INPP5K: variants seen among roughly 807,000 people sequenced by gnomAD.
INPP5K encodes inositol polyphosphate 5-phosphatase K.
Under a neutral mutation model 53.5 loss-of-function variants are expected in INPP5K, and 35 were observed. That is an observed-to-expected ratio of 0.65 (90% CI 0.50 to 0.87). The LOEUF is 0.87. INPP5K is among the 40% of genes least tolerant of loss of function. The pLI, the probability that INPP5K is intolerant of heterozygous loss-of-function variation, is 0.00. For synonymous variants in INPP5K, 253 were observed against 232.8 expected (o/e 1.09, Z -0.79); for missense variants, 550 against 586.2 (o/e 0.94, Z 0.64).
chr17:1,515,674 C>T, intron 1 of INPP5K: 3 of 886,366 alleles, frequency 3.4e-6, no homozygotes, highest in Non-Finnish European at 4.1e-6. Context: ...CCTTAGAGGT[C>T]GACGTTCTCA....
chr17:1,509,637 C>A, intron 4 of INPP5K, 46 bp downstream of exon 4: 1 of 1,268,386 alleles, frequency 7.9e-7, no homozygotes, highest in Non-Finnish European at 1.2e-6. Flanking sequence ...CTCCACAGTT[C>A]CCAGCCCTTC....
rs1379706414 is a variant in INPP5K at position 1,513,543 on chromosome 17, A to T, written c.171T>A (p.Ser57=). Residue 57 remains serine, a synonymous_variant, in exon 3 of 12, where the codon TCT becomes TCA. Coordinates refer to ENST00000421807, the MANE Select transcript of INPP5K (RefSeq NM_016532.4). ...IYVIGLQELN[S]GIISLLSDAA... is the part of the protein sequence containing the mutation. ...CATCGGAAAGGAGGCTTATGATCCC[A>T]GAGTTCAATTCCTGCAAACTGACCA... 3 of 1,614,142 alleles carry T rather than the reference A, an allele frequency of 1.9e-6. No homozygotes were observed. The highest frequency in any genetic ancestry group is 4.5e-5 in the East Asian group (2 of 44,908).
At chr17:1,508,949 G>A in intron 5 of INPP5K, 1 of 361,664 alleles carries the variant, frequency 2.8e-6, no homozygotes, top group South Asian at 2.2e-5. Context: ...TCACTCGTGG[G>A]GGTCAGCGTG....
At chr17:1,501,793 C>T (rs551784748) in intron 7 of INPP5K, among the ~76,000 whole-genome samples, 3 of 151,550 alleles carry the variant, frequency 2.0e-5, no homozygotes, top group Non-Finnish European at 4.4e-5. Context: ...CTGAGGCGGG[C>T]GGATCACAAG....
chr17:1,513,476 G>T lies in INPP5K; in HGVS notation c.238C>A (p.Leu80Ile). 6.2e-7 allele frequency: 1 copy of T among 1,614,178 alleles called. No homozygotes were observed. ...ACCTTGATGAAGCTCAGAGGGGAAA[G>T]CACATCCATGAGGAAACTGCTCCAC... The part of the protein sequence containing the change: ...DSWSSFLMDV[L>I]SPLSFIKVSH... The change falls in exon 3 of 12, where the codon CTT (leucine) becomes ATT (isoleucine). Residue 80 changes from leucine (L) to isoleucine (I), a missense_variant. Physicochemically the swap from Leu to Ile is conservative, Grantham distance 5. Coordinates refer to ENST00000421807, the MANE Select transcript of INPP5K (RefSeq NM_016532.4).
chr17:1,513,787 G>T, intron 2 of INPP5K, 85 bp downstream of exon 2: 1 of 1,103,966 alleles, frequency 9.1e-7, no homozygotes, highest in Non-Finnish European at 1.3e-6. Context: ...TCAGACTCCA[G>T]AGCGGAGGAG....
At position 1,513,942 on chromosome 17, in the gene INPP5K, G is replaced by C; in HGVS notation, c.82C>G (p.Pro28Ala). The change falls in exon 2 of 12, where the codon CCC (proline) becomes GCC (alanine). Residue 28 changes from proline (P) to alanine (A), a missense_variant. Coordinates refer to ENST00000421807, the MANE Select transcript of INPP5K (RefSeq NM_016532.4). ...AGCAGGTCACTGAGATCTAGAGGGG[G>C]CGCTGCCGAAGCCACGTTCCAAGTC... ...VVTWNVASAA[P>A]PLDLSDLLQL... 1.9e-6 allele frequency: 3 copies of C among 1,613,022 alleles called. No homozygotes were observed. The highest frequency in any genetic ancestry group is 2.5e-6 in the Non-Finnish European group (3 of 1,179,260).
chr17:1,508,819 A>G (rs1224099120), intron 5 of INPP5K, among the ~76,000 whole-genome samples: 1 of 107,712 alleles, frequency 9.3e-6, no homozygotes, highest in Non-Finnish European at 1.9e-5. Context: ...CAGTCTGCAG[A>G]CCCAGGCTCA....
chr17:1,507,000 G>T lies in INPP5K; in HGVS notation c.756C>A (p.Asn252Lys). ...CTCACCTGGTGTCATAGTCGTTGGAGTTCCTATCAAACTTGTAGGTGGGCG... is the reference window on the plus strand; with the variant it reads ...CTCACCTGGTGTCATAGTCGTTGGATTTCCTATCAAACTTGTAGGTGGGCG... ...LFPPTYKFDRNSNDYDTSEKK... is the reference protein window; with the variant it reads ...LFPPTYKFDRKSNDYDTSEKK... The change falls in exon 7 of 12, where the codon AAC (asparagine) becomes AAA (lysine). Residue 252 changes from asparagine to lysine, a missense_variant. Asn to Lys is a moderately conservative substitution (Grantham distance 94, BLOSUM62 0). Transcript: ENST00000421807. 6.2e-7 allele frequency: 1 copy of T among 1,613,720 alleles called. No individual in the cohort carries two copies. Among genetic ancestry groups the T allele is most frequent in the Non-Finnish European group, 8.5e-7 (1 of 1,179,684 alleles).
chr17:1,513,407 A>G, intron 3 of INPP5K, 46 bp downstream of exon 3: 2 of 1,376,294 alleles, frequency 1.5e-6, no homozygotes, highest in Non-Finnish European at 2.1e-6. Flanking sequence ...GGGTCAGTGG[A>G]GATGTGAAAA....
intron 1 of INPP5K, chr17:1,516,150 G>A (rs1053157842): frequency 1.6e-6 from 2 of 1,263,700 alleles, no homozygotes; most frequent in Non-Finnish European, 2.0e-6. Flanking sequence ...ATTTCTAACC[G>A]AGAGCCGAAG....
At chr17:1,503,584 C>T (rs941118076) in intron 7 of INPP5K, among the ~76,000 whole-genome samples, 5 of 151,812 alleles carry the variant, frequency 3.3e-5, no homozygotes, top group Admixed American at 1.3e-4. Flanking sequence ...GGCATGGTGG[C>T]GGGTGCCTGT....
chr17:1,495,735 C>T lies in INPP5K; in HGVS notation c.*88G>A. On this transcript the variant is annotated 3_prime_UTR_variant, in exon 12 of 12. Transcript: ENST00000421807. The stretch of plus-strand genomic sequence containing the variant: ...ACACTTGGCTGTCTCTTCAGGGGGC[C>T]AGGCTGGGCCCCCAGCACTCCCGGC... 3.2e-6 allele frequency: 3 copies of T among 931,484 alleles called. No individual in the cohort carries two copies. Among genetic ancestry groups the T allele is most frequent in the Non-Finnish European group, 5.1e-6 (3 of 591,054 alleles). The allele number at this position is 931,484 out of a possible 1,614,324, so 57.7% of individuals were successfully genotyped here.
At chr17:1,516,329 GA>G in intron 1 of INPP5K, 126 bp downstream of exon 1, 1 of 1,111,708 alleles carries the variant, frequency 9.0e-7, no homozygotes, top group Non-Finnish European at 1.3e-6. Flanking sequence ...AGGCGTGGGA[GA>G]AGGCGAGAGC....
At chr17:1,515,396 CCAGT>C in intron 1 of INPP5K, 4 of 983,294 alleles carry the variant, frequency 4.1e-6, no homozygotes, top group Non-Finnish European at 4.8e-6. Flanking sequence ...GACACTGGAT[CCAGT>C]CAGAGGCTCA....
intron 6 of INPP5K, chr17:1,507,436 A>G (rs1598381729): frequency 1.1e-5 from 3 of 270,918 alleles, no homozygotes; most frequent in Admixed American, 5.2e-5. Context: ...GGGGCACCTC[A>G]CCCTCCAAGA....
intron 7 of INPP5K, among the ~76,000 whole-genome samples, chr17:1,502,166 G>A (rs372288661): frequency 0.054 from 8,244 of 151,520 alleles, 267 homozygotes; most frequent in Middle Eastern, 0.13. Flanking sequence ...TGGCTAACAT[G>A]GTGAAACCCC....
intron 4 of INPP5K, 25 bp from the exon 5 acceptor site, chr17:1,509,378 G>C (rs374361907): frequency 1.2e-6 from 2 of 1,603,324 alleles, no homozygotes; most frequent in South Asian, 2.2e-5. Context: ...CAACAGAAGA[G>C]TGGGAAGCTA....
At chr17:1,507,860 T>A (rs1350426549) in intron 6 of INPP5K, among the ~76,000 whole-genome samples, 1 of 152,136 alleles carries the variant, frequency 6.6e-6, no homozygotes, top group Non-Finnish European at 1.5e-5. Context: ...TCTTCTTTTT[T>A]AAATAATTCA....
Sources: gnomAD v4.1 joint callset for allele counts (sites outside exome capture counted in the v4.1 genomes callset) on GRCh38, gnomAD v4.1.1 for gene constraint, MANE v1.5 for transcripts, NCBI Gene and HGNC (gene_info 2026-07-23, HGNC 2026-07-21) for gene names.